Variants in FCHSD2 observed in about 807,000 individuals in gnomAD.
FCHSD2 encodes the protein F-BAR and double SH3 domains protein 2.
In FCHSD2, 38 loss-of-function variants were observed where a neutral mutation model predicts 108.1. That is an observed-to-expected ratio of 0.35 (90% confidence interval 0.27 to 0.46). The LOEUF is 0.46. Ranked by LOEUF, FCHSD2 falls within the 20% of genes least tolerant of loss-of-function variation. The pLI is 1.00. For missense variants in FCHSD2, 751 were observed against 897.8 expected (o/e 0.84, Z 2.09); for synonymous variants, 279 against 314.7 (o/e 0.89, Z 1.20).
chr11:73,126,339 T>TAAAAAAAAAAAAAAAAAAAAA (rs61586562), intron 2 of FCHSD2, among the ~76,000 whole-genome samples: 3 of 27,656 alleles, frequency 1.1e-4, no homozygotes, highest in Non-Finnish European at 2.7e-4. Flanking sequence ...GATTCCATCT[T>TAAAAAAAAAAAAAAAAAAAAA]AAAAAAAAAA....
intron 8 of FCHSD2, among the ~76,000 whole-genome samples, chr11:72,936,188 T>C (rs1240884216): frequency 6.6e-6 from 1 of 152,196 alleles, no homozygotes; most frequent in African/African-American, 2.4e-5. Flanking sequence ...GTTATTAAAA[T>C]AATAGGGCTT....
intron 12 of FCHSD2, among the ~76,000 whole-genome samples, chr11:72,874,282 G>GC (rs1430499312): frequency 6.6e-6 from 1 of 152,154 alleles, no homozygotes; most frequent in African/African-American, 2.4e-5. Context: ...GAACTGCTGG[G>GC]CTCAAGTGAT....
chr11:73,096,121 GAGA>G (rs1860068084), intron 2 of FCHSD2, among the ~76,000 whole-genome samples: 1 of 152,066 alleles, frequency 6.6e-6, no homozygotes, highest in Non-Finnish European at 1.5e-5. Context: ...AAATTTTTAA[GAGA>G]AGAAGAAACA....
intron 8 of FCHSD2, among the ~76,000 whole-genome samples, chr11:72,957,384 T>C (rs1051129114): frequency 2.0e-5 from 3 of 151,336 alleles, no homozygotes; most frequent in African/African-American, 7.3e-5. Context: ...TATGGCTGCA[T>C]AGTATTCCAT....
At chr11:72,875,054 C>A (rs1201146080) in intron 12 of FCHSD2, among the ~76,000 whole-genome samples, 2 of 152,158 alleles carry the variant, frequency 1.3e-5, no homozygotes, top group Non-Finnish European at 2.9e-5. Flanking sequence ...AACATAAACA[C>A]ATATAAGTGT....
At chr11:73,011,409 C>T in intron 4 of FCHSD2, among the ~76,000 whole-genome samples, 1 of 152,132 alleles carries the variant, frequency 6.6e-6, no homozygotes, top group Non-Finnish European at 1.5e-5. Flanking sequence ...GAATACTTGC[C>T]CCAGCACCAC....
At chr11:72,889,734 T>C (rs1472931603) in intron 11 of FCHSD2, 95 bp downstream of exon 11, 2 of 710,622 alleles carry the variant, frequency 2.8e-6, no homozygotes, top group African/African-American at 1.8e-5. Context: ...AAACAACACA[T>C]ATAGGATATT....
intron 17 of FCHSD2, among the ~76,000 whole-genome samples, 187 bp downstream of exon 17, chr11:72,842,434 G>A (rs1287213031): frequency 6.6e-6 from 1 of 152,202 alleles, no homozygotes; most frequent in Non-Finnish European, 1.5e-5. Flanking sequence ...TGGGAGGATG[G>A]CCACATTCCA....
chr11:72,875,910 G>A (rs1485185932), intron 12 of FCHSD2, among the ~76,000 whole-genome samples: 1 of 152,176 alleles, frequency 6.6e-6, no homozygotes, highest in East Asian at 1.9e-4. Flanking sequence ...TAACCTATAT[G>A]CTGATGAAAG....
At chr11:73,092,079 G>A (rs1002574225) in intron 2 of FCHSD2, among the ~76,000 whole-genome samples, 36 of 152,050 alleles carry the variant, frequency 2.4e-4, no homozygotes, top group Non-Finnish European at 5.1e-4. Flanking sequence ...CATCTGAGAA[G>A]CCTTCCTGAA....
At chr11:72,984,043 GT>G (rs771837437) in intron 8 of FCHSD2, 44 bp downstream of exon 8, 1 of 1,530,912 alleles carries the variant, frequency 6.5e-7, no homozygotes, top group East Asian at 2.3e-5. Context: ...AGTTGTTTTT[GT>G]TTTCAATGAA....
At chr11:72,881,856 C>CT (rs1481055044) in intron 12 of FCHSD2, among the ~76,000 whole-genome samples, 3 of 152,134 alleles carry the variant, frequency 2.0e-5, no homozygotes, top group Non-Finnish European at 4.4e-5. Context: ...AGAGTAGAGG[C>CT]TGGGGCCGGG....
intron 3 of FCHSD2, among the ~76,000 whole-genome samples, chr11:73,039,450 G>A (rs1006942456): frequency 3.3e-5 from 5 of 151,948 alleles, no homozygotes; most frequent in Non-Finnish European, 5.9e-5. Context: ...CCCGGGAGAT[G>A]GAGGTAGCAG....
At chr11:72,910,827 TA>T (rs34549479) in intron 9 of FCHSD2, among the ~76,000 whole-genome samples, 56,986 of 116,616 alleles carry the variant, frequency 0.49, 12,771 homozygotes, top group African/African-American at 0.57. Context: ...CAATAAATAC[TA>T]AAAAAAAAAA....
intron 3 of FCHSD2, among the ~76,000 whole-genome samples, chr11:73,024,190 G>A (rs544320838): frequency 1.3e-5 from 2 of 152,176 alleles, no homozygotes; most frequent in South Asian, 2.1e-4. Context: ...GTGGTTGGGG[G>A]AACCGAAGAT....
chr11:73,038,845 A>G (rs551286565), intron 3 of FCHSD2, among the ~76,000 whole-genome samples: 14 of 152,250 alleles, frequency 9.2e-5, no homozygotes, highest in Admixed American at 8.5e-4. Context: ...TTCTAAAATA[A>G]AAGTTGAAAA....
intron 3 of FCHSD2, among the ~76,000 whole-genome samples, chr11:73,028,219 C>G (rs1591493722): frequency 6.6e-6 from 1 of 152,184 alleles, no homozygotes; most frequent in Non-Finnish European, 1.5e-5. Context: ...GTGAAAGTAG[C>G]TGCAGGTGCT....
chr11:73,139,405 T>A (rs1307647222), intron 2 of FCHSD2, among the ~76,000 whole-genome samples: 1 of 152,264 alleles, frequency 6.6e-6, no homozygotes, highest in Non-Finnish European at 1.5e-5. Flanking sequence ...GATTGTTAAA[T>A]AAGTGGTATT....
At chr11:73,126,067 T>G (rs1473757450) in intron 2 of FCHSD2, among the ~76,000 whole-genome samples, 2 of 151,714 alleles carry the variant, frequency 1.3e-5, no homozygotes, top group Non-Finnish European at 2.9e-5. Flanking sequence ...CACGGCCAGG[T>G]GCGGTGGCTC....
Sources: allele counts gnomAD v4.1 joint callset (sites outside exome capture counted in the v4.1 genomes callset), GRCh38; gene constraint gnomAD v4.1.1; transcripts MANE v1.5; gene names NCBI Gene and HGNC (gene_info 2026-07-23, HGNC 2026-07-21).